The following NCOA2 variants were observed in gnomAD, a reference collection of about 807,000 sequenced individuals.
The protein encoded by NCOA2 is class E basic helix-loop-helix protein 75.
NCOA2 carries 21 observed loss-of-function variants against 145.1 expected under a neutral mutation model. That is an observed-to-expected ratio of 0.14 (90% confidence interval 0.10 to 0.21). The LOEUF is 0.21. Ranked by LOEUF, NCOA2 falls within the 10% of genes least tolerant of loss-of-function variation. NCOA2 has a pLI of 1.00. For synonymous variants in NCOA2, 619 were observed against 637.5 expected (o/e 0.97, Z 0.44); for missense variants, 1,472 against 1,837.6 (o/e 0.80, Z 3.64).
At chr8:70,402,995 G>T (rs949870061) in intron 1 of NCOA2, among the ~76,000 whole-genome samples, 3 of 141,564 alleles carry the variant, frequency 2.1e-5, no homozygotes, top group African/African-American at 7.7e-5. Context: ...CCCACCCCCG[G>T]GGCTGACACG....
chr8:70,150,640 C>G (rs1299795651), intron 11 of NCOA2, among the ~76,000 whole-genome samples: 1 of 152,172 alleles, frequency 6.6e-6, no homozygotes. Context: ...ATAAAACTGA[C>G]TTTATGTACT....
At chr8:70,197,665 C>T (rs1817472994) in intron 4 of NCOA2, among the ~76,000 whole-genome samples, 1 of 152,050 alleles carries the variant, frequency 6.6e-6, no homozygotes, top group South Asian at 2.1e-4. Flanking sequence ...TGGCATATTC[C>T]CTGGTCATTT....
At chr8:70,398,536 G>A (rs7827687) in intron 1 of NCOA2, among the ~76,000 whole-genome samples, 6 of 152,060 alleles carry the variant, frequency 3.9e-5, no homozygotes, top group African/African-American at 9.7e-5. Context: ...CAAACAATTC[G>A]GAACTGGCTG....
chr8:70,281,510 C>A (rs1825881420), intron 2 of NCOA2, among the ~76,000 whole-genome samples: 1 of 151,892 alleles, frequency 6.6e-6, no homozygotes, highest in South Asian at 2.1e-4. Flanking sequence ...TCTTGTAGAT[C>A]AAGGGAAAAG....
At chr8:70,347,892 G>A (rs936457996) in intron 1 of NCOA2, among the ~76,000 whole-genome samples, 4 of 151,902 alleles carry the variant, frequency 2.6e-5, no homozygotes, top group Non-Finnish European at 5.9e-5. Flanking sequence ...CTTCTGTATT[G>A]TTAATTTGCA....
At chr8:70,232,192 T>C (rs1283314287) in intron 2 of NCOA2, among the ~76,000 whole-genome samples, 1 of 152,200 alleles carries the variant, frequency 6.6e-6, no homozygotes, top group Non-Finnish European at 1.5e-5. Flanking sequence ...TGCCAGCCCC[T>C]GCCCCTTTCC....
At chr8:70,161,016 T>C (rs1432499684) in intron 9 of NCOA2, among the ~76,000 whole-genome samples, 2 of 152,256 alleles carry the variant, frequency 1.3e-5, no homozygotes, top group African/African-American at 4.8e-5. Context: ...TCATTTCCTC[T>C]TGGTCTACAT....
intron 4 of NCOA2, among the ~76,000 whole-genome samples, chr8:70,176,953 G>A (rs1401100468): frequency 1.3e-5 from 2 of 152,098 alleles, no homozygotes; most frequent in Non-Finnish European, 2.9e-5. Context: ...TAAATCTCAA[G>A]GCCCATATAA....
chr8:70,447,455 A>G, the NCOA2 span, among the ~76,000 whole-genome samples: 1 of 152,164 alleles, frequency 6.6e-6, no homozygotes, highest in East Asian at 1.9e-4. Context: ...CCAGTCAAAT[A>G]ATGGCGGCCA....
chr8:70,129,007 CAAA>C (rs1231347180), intron 16 of NCOA2, 27 bp from the exon 17 acceptor site: 3 of 1,562,228 alleles, frequency 1.9e-6, no homozygotes, highest in Non-Finnish European at 2.6e-6. Flanking sequence ...AAATAACAAA[CAAA>C]TAATTAAACC....
In NCOA2 at chr8:70,126,925, T is replaced by C. The variant is rs1272311569; in HGVS notation, c.3804A>G (p.Gln1268=). 6.2e-7 allele frequency: 1 copy of C among 1,613,884 alleles called. No individual in the cohort carries two copies. The highest frequency in any genetic ancestry group is 8.5e-7 in the Non-Finnish European group (1 of 1,179,884). The change falls in exon 19 of 23, where the codon CAA becomes CAG. Residue 1268 remains glutamine (Q), a synonymous_variant. Transcript: ENST00000452400. ...VQQRTLMMRG[Q]GLNMTPSMVA... ...CCATGCTTGGTGTCATATTCAACCC[T>C]TGTCCTCTCATCATCAAAGTTCGTT...
upstream of NCOA2, among the ~76,000 whole-genome samples, chr8:70,404,978 TAA>T (rs1814704075): frequency 6.6e-6 from 1 of 152,210 alleles, no homozygotes; most frequent in Admixed American, 6.5e-5. Flanking sequence ...CGGTAGACAA[TAA>T]GAGTGTTTAT....
Position 70,384,143 on chromosome 8 carries a change from A to T in NCOA2, c.-77+19557T>A, listed in dbSNP as rs570463697. 2.0e-3 allele frequency among the ~76,000 whole-genome samples: 305 copies of T among 152,302 alleles called. 1 individual carries two copies. Among genetic ancestry groups the T allele is most frequent in the African/African-American group, 7.1e-3 (294 of 41,564 alleles). Reference sequence around the variant, plus strand: ...AAAGAGAACTATTACTGATGATTAGATTTAATTAAACTGTACGGCAAAGGC... The same window carrying T: ...AAAGAGAACTATTACTGATGATTAGTTTTAATTAAACTGTACGGCAAAGGC... On this transcript the variant is annotated intron_variant, in intron 1 of 22. Coordinates refer to ENST00000452400, the MANE Select transcript of NCOA2 (RefSeq NM_006540.4).
chr8:70,277,632 A>T (rs888243993), intron 2 of NCOA2, among the ~76,000 whole-genome samples: 1 of 152,154 alleles, frequency 6.6e-6, no homozygotes, highest in African/African-American at 2.4e-5. Context: ...TTCTAAACTA[A>T]ATGTTCCCAC....
intron 1 of NCOA2, among the ~76,000 whole-genome samples, chr8:70,336,239 G>C (rs1161720992): frequency 1.3e-5 from 2 of 152,060 alleles, no homozygotes; most frequent in Non-Finnish European, 2.9e-5. Context: ...TAGATGATAG[G>C]AATTTTTAAG....
At chr8:70,273,814 A>T in intron 2 of NCOA2, 1 of 572,052 alleles carries the variant, frequency 1.7e-6, no homozygotes, top group Non-Finnish European at 3.4e-6. Context: ...GAGAATTTGG[A>T]TGAGGCTTCC....
chr8:70,213,753 G>C, intron 4 of NCOA2, 150 bp downstream of exon 4: 1 of 674,594 alleles, frequency 1.5e-6, no homozygotes, highest in Non-Finnish European at 2.4e-6. Context: ...CACTGCAAGT[G>C]ATACTTGCAT....
chr8:70,381,507 T>C (rs1167221510), intron 1 of NCOA2, among the ~76,000 whole-genome samples: 2 of 152,216 alleles, frequency 1.3e-5, no homozygotes, highest in Non-Finnish European at 2.9e-5. Context: ...CCTACGAAGG[T>C]ATAATACTAA....
intron 1 of NCOA2, among the ~76,000 whole-genome samples, chr8:70,331,927 C>T (rs1586516180): frequency 1.3e-5 from 2 of 152,178 alleles, no homozygotes; most frequent in East Asian, 3.9e-4. Flanking sequence ...AATAGAGATG[C>T]TGAAAATGTT....
Sources: gnomAD v4.1 joint callset for allele counts (sites outside exome capture counted in the v4.1 genomes callset) on GRCh38, gnomAD v4.1.1 for gene constraint, MANE v1.5 for transcripts, NCBI Gene and HGNC (gene_info 2026-07-23, HGNC 2026-07-21) for gene names.